ANKIB1: variants seen among roughly 807,000 people sequenced by gnomAD.
ANKIB1 encodes the protein ankyrin repeat and IBR domain containing 1, also known as ankyrin repeat and IBR domain-containing protein 1.
ANKIB1 carries 43 observed loss-of-function variants against 122.1 expected under a neutral mutation model. The ratio of observed to expected loss-of-function variants is 0.35; its 90% confidence interval spans 0.28 to 0.45. The LOEUF (loss-of-function observed/expected upper bound fraction) is 0.45, where lower values mean the gene tolerates loss of function less well. ANKIB1 is among the 20% of genes least tolerant of loss of function. The pLI is 1.00. For missense variants in ANKIB1, 992 were observed against 1,329.5 expected, an observed-to-expected ratio of 0.75 and a Z score of 3.95; for synonymous variants, 390 against 442.0, an observed-to-expected ratio of 0.88 and a Z score of 1.48.
intron 17 of ANKIB1, among the ~76,000 whole-genome samples, chr7:92,394,640 C>T (rs1382965570): frequency 6.6e-6 from 1 of 152,128 alleles, no homozygotes; most frequent in African/African-American, 2.4e-5. Flanking sequence ...ATAAAATTTT[C>T]ACACCATCTT....
intron 1 of ANKIB1, among the ~76,000 whole-genome samples, chr7:92,261,451 AATCCTT>A (rs1387029880): frequency 1.3e-5 from 2 of 151,524 alleles, no homozygotes; most frequent in African/African-American, 4.9e-5. Context: ...ACCTGGCATA[AATCCTT>A]TCATTCTCTC....
At chr7:92,342,776 G>T (rs1319774460) in intron 5 of ANKIB1, among the ~76,000 whole-genome samples, 2 of 152,126 alleles carry the variant, frequency 1.3e-5, no homozygotes, top group Non-Finnish European at 2.9e-5. Context: ...AGAAAGTACT[G>T]GAAATTTTGA....
rs1327250874 is a variant in ANKIB1, at chr7:92,327,722, C to A, written c.670-61C>A. 6 of 788,888 alleles carry A rather than the reference C, an allele frequency of 7.6e-6. No homozygotes were observed. The African/African-American group carries it at 1.1e-4, about 14-fold the overall frequency. The allele number at this position is 788,888 out of a possible 1,614,324, so 48.9% of individuals were successfully genotyped here. ...GGACTGACTATATATTGTTTATAGG[C>A]ATTTTGATAACTTCCTATGAGTATA... On this transcript the variant is annotated intron_variant, in intron 4 of 19. Transcript: ENST00000265742.
intron 15 of ANKIB1, among the ~76,000 whole-genome samples, chr7:92,390,511 T>G (rs983459106): frequency 2.6e-5 from 4 of 152,168 alleles, no homozygotes; most frequent in Non-Finnish European, 4.4e-5. Context: ...GAAATACAAC[T>G]GAAAAAGTTA....
At chr7:92,311,764 A>C (rs1802694627) in intron 3 of ANKIB1, among the ~76,000 whole-genome samples, 1 of 151,806 alleles carries the variant, frequency 6.6e-6, no homozygotes, top group South Asian at 2.1e-4. Context: ...AAACCCCTTA[A>C]TTATAGAGTT....
At chr7:92,380,146 A>C (rs774767289) in intron 11 of ANKIB1, among the ~76,000 whole-genome samples, 4 of 152,132 alleles carry the variant, frequency 2.6e-5, no homozygotes, top group Non-Finnish European at 5.9e-5. Context: ...GCTCACTGCT[A>C]TTCCGAGATC....
intron 1 of ANKIB1, among the ~76,000 whole-genome samples, chr7:92,287,053 G>A (rs879435847): frequency 1.3e-5 from 2 of 151,806 alleles, no homozygotes; most frequent in Non-Finnish European, 2.9e-5. Context: ...AATTTTTTTC[G>A]CCTTTTTATT....
chr7:92,290,618 C>G (rs1165856652), intron 1 of ANKIB1, among the ~76,000 whole-genome samples: 1 of 152,010 alleles, frequency 6.6e-6, no homozygotes, highest in Non-Finnish European at 1.5e-5. Flanking sequence ...ACTAAAAATA[C>G]TTTTATGGGA....
intron 3 of ANKIB1, among the ~76,000 whole-genome samples, chr7:92,316,751 A>G (rs1032918495): frequency 2.6e-5 from 4 of 152,120 alleles, no homozygotes; most frequent in African/African-American, 9.7e-5. Flanking sequence ...TAACCCCCCA[A>G]TGAATGAAGT....
intron 1 of ANKIB1, among the ~76,000 whole-genome samples, chr7:92,270,696 T>C (rs1406943625): frequency 6.6e-6 from 1 of 150,948 alleles, no homozygotes; most frequent in Admixed American, 6.6e-5. Context: ...CGCTAGCCTT[T>C]AGCAACCACT....
Position 92,327,869 on chromosome 7 carries a change from CT to C in ANKIB1, c.759del (p.Phe253LeufsTer76). On this transcript the variant is annotated frameshift_variant, in exon 5 of 20. Transcript: ENST00000265742. LOFTEE classifies it high-confidence loss of function. ...CTGCAGACATGCTTCAGGCTCCTCT[CT>C]TTACTGCTGAAGCTTTACTTCGAGC... is the stretch of plus-strand genomic sequence containing the variant. ...ETADMLQAPL[F>X]TAEALLRAHD... 1 of 1,592,446 alleles carries C rather than the reference CT, an allele frequency of 6.3e-7. No homozygotes were observed. The highest frequency in any genetic ancestry group is 8.5e-7 in the Non-Finnish European group (1 of 1,173,298).
chr7:92,280,069 AT>A (rs1801985244), intron 1 of ANKIB1, among the ~76,000 whole-genome samples: 1 of 152,222 alleles, frequency 6.6e-6, no homozygotes, highest in African/African-American at 2.4e-5. Flanking sequence ...ATGGAGACTT[AT>A]TCTGTTTCTG....
At chr7:92,347,359 C>T (rs536498860) in intron 7 of ANKIB1, among the ~76,000 whole-genome samples, 1 of 152,090 alleles carries the variant, frequency 6.6e-6, no homozygotes, top group East Asian at 1.9e-4. Context: ...TTTTGTGTAG[C>T]CCAAGACAGT....
At chr7:92,290,409 G>C (rs888425416) in intron 1 of ANKIB1, among the ~76,000 whole-genome samples, 17 of 146,708 alleles carry the variant, frequency 1.2e-4, no homozygotes, top group African/African-American at 4.3e-4. Flanking sequence ...GTGTGTATTG[G>C]GACCTGCTGC....
At chr7:92,297,320 A>G (rs1434059918) in intron 2 of ANKIB1, among the ~76,000 whole-genome samples, 2 of 152,218 alleles carry the variant, frequency 1.3e-5, no homozygotes, top group South Asian at 4.1e-4. Context: ...GCTGCCTGTC[A>G]CTTATTAGCA....
chr7:92,366,815 A>G (rs1387336467), intron 10 of ANKIB1, among the ~76,000 whole-genome samples: 1 of 152,242 alleles, frequency 6.6e-6, no homozygotes, highest in South Asian at 2.1e-4. Flanking sequence ...GCCACACAGC[A>G]TATCCATCTC....
Position 92,399,642 on chromosome 7 carries a change from A to T in ANKIB1, c.*693A>T, listed in dbSNP as rs572971241. The T allele has an allele frequency of 6.6e-6, 1 of 152,306 alleles. No individual in the cohort carries two copies. Among genetic ancestry groups the T allele is most frequent in the South Asian group, 2.1e-4 (1 of 4,820 alleles). The allele number at this position is 152,306 out of a possible 1,614,324, so 9.4% of individuals were successfully genotyped here. A position where few individuals can be genotyped will look rare whatever the true frequency, so the allele number is the denominator to read the frequency against. ...CCAGGGCAGTGTCAGCGTTCTCGGG[A>T]GTAAAAGGTGCCACTTGGTAGCAAT... On this transcript the variant is annotated 3_prime_UTR_variant, in exon 20 of 20. Coordinates refer to ENST00000265742, the MANE Select transcript of ANKIB1 (RefSeq NM_019004.2).
intron 11 of ANKIB1, among the ~76,000 whole-genome samples, chr7:92,376,646 AC>A (rs1804389781): frequency 6.6e-6 from 1 of 151,852 alleles, no homozygotes; most frequent in Non-Finnish European, 1.5e-5. Flanking sequence ...AAGGGGTTTC[AC>A]CATGTTTGCT....
intron 11 of ANKIB1, among the ~76,000 whole-genome samples, chr7:92,372,736 T>C (rs941041035): frequency 6.6e-6 from 1 of 152,176 alleles, no homozygotes; most frequent in East Asian, 1.9e-4. Flanking sequence ...TGCTGGTATG[T>C]TATTAATAAC....
Sources: allele counts gnomAD v4.1 joint callset (sites outside exome capture counted in the v4.1 genomes callset), GRCh38; gene constraint gnomAD v4.1.1; transcripts MANE v1.5; gene names NCBI Gene and HGNC (gene_info 2026-07-23, HGNC 2026-07-21).